The following ING2 variants were observed in gnomAD, a reference collection of about 807,000 sequenced individuals.
The protein encoded by ING2 is inhibitor of growth family member 2, also known as inhibitor of growth protein 2.
A neutral mutation model predicts 30.6 loss-of-function variants in ING2; 7 were observed. The observed-to-expected ratio is 0.23, with a 90% CI of 0.13 to 0.43. The LOEUF (loss-of-function observed/expected upper bound fraction) is 0.43, where lower values mean the gene tolerates loss of function less well. Among genes scored for constraint, ING2 ranks in the 20% least tolerant of loss-of-function variants. The probability of loss-of-function intolerance (pLI) is 1.00; values close to 1 mark genes in which losing one functional copy is unlikely to be tolerated. For synonymous variants in ING2, 136 were observed against 121.7 expected (o/e 1.12, Z -0.78); for missense variants, 239 against 334.9 (o/e 0.71, Z 2.24).
At position 183,510,257 on chromosome 4, in the gene ING2, C is replaced by T. The variant is rs117923427; in HGVS notation, c.173-25C>T. 2,854 of 1,470,624 alleles carry T rather than the reference C, an allele frequency of 1.9e-3. 79 individuals are homozygous for T. In the East Asian group the frequency reaches 0.058, roughly 30 times the overall value. The allele number at this position is 1,470,624 out of a possible 1,614,324, so 91.1% of individuals were successfully genotyped here. A position where few individuals can be genotyped will look rare whatever the true frequency, so the allele number is the denominator to read the frequency against. On this transcript the variant is annotated intron_variant, in intron 1 of 1. Transcript: ENST00000302327. The stretch of plus-strand genomic sequence containing the variant: ...GTGTCTGCTAACACATGATAACGTT[C>T]TCATTTTTCTTTTCCTTTTTTTAGA...
rs890876245 is a variant in ING2 at position 183,505,076 on chromosome 4, T to C, written c.-120T>C. 91 of 948,378 alleles carry C rather than the reference T, an allele frequency of 9.6e-5. No homozygotes were observed. The African/African-American group carries it at 1.0e-3, about 11-fold the overall frequency. 58.7% of individuals were successfully genotyped at this position (948,378 alleles called of 1,614,324 possible). ...GATCGGGGAGCGCGGCCGTGCCCTCTCGAGCGGCTGCGGGGTCCCCGCGGC... is the reference window on the plus strand; with the variant it reads ...GATCGGGGAGCGCGGCCGTGCCCTCCCGAGCGGCTGCGGGGTCCCCGCGGC... On this transcript the variant is annotated 5_prime_UTR_variant, in exon 1 of 2. Coordinates refer to ENST00000302327, the MANE Select transcript of ING2 (RefSeq NM_001564.4).
rs546715579 is a variant in ING2, at chr4:183,506,637, C to T, written c.172+1270C>T. On this transcript the variant is annotated intron_variant, in intron 1 of 1. Transcript: ENST00000302327. ...TTAAAGATAATTTCCTGGACCCATT[C>T]TCTGTTTTTGTAGACACGCCAGTAA... Among the ~76,000 whole-genome samples, 5 of 152,308 alleles carry T rather than the reference C, an allele frequency of 3.3e-5. No individual in the cohort carries two copies. In the South Asian group the frequency reaches 6.2e-4, roughly 19 times the overall value.
At position 183,510,620 on chromosome 4, in the gene ING2, G is replaced by C. The variant is rs770221403; in HGVS notation, c.511G>C (p.Glu171Gln). ...RDLCHMANGI[E>Q]DCDDQPPKEK... The stretch of plus-strand genomic sequence containing the variant: ...TTTATGTCACATGGCAAATGGGATT[G>C]AAGACTGTGATGATCAGCCACCTAA... Residue 171 changes from glutamate to glutamine, a missense_variant, in exon 2 of 2, where the codon GAA (glutamate) becomes CAA (glutamine). Glu to Gln is a conservative substitution (Grantham distance 29, BLOSUM62 2). Around this residue, in one of 5 missense-constraint regions of ING2, gnomAD observed 115 missense variants for 120.1 expected, o/e 0.96. Coordinates refer to ENST00000302327, the MANE Select transcript of ING2 (RefSeq NM_001564.4). The C allele has an allele frequency of 1.1e-5, 17 of 1,614,156 alleles. 1 individual carries two copies. In the South Asian group the frequency reaches 1.9e-4, roughly 18 times the overall value.
chr4:183,508,184 C>T (rs749268848), intron 1 of ING2, among the ~76,000 whole-genome samples: 4 of 151,798 alleles, frequency 2.6e-5, no homozygotes, highest in African/African-American at 4.8e-5. Flanking sequence ...AAATCTTTAC[C>T]ACATAGAAGG....
At position 183,510,220 on chromosome 4, in the gene ING2, C is replaced by G. The variant is rs1461097910; in HGVS notation, c.173-62C>G. 5 of 1,189,912 alleles carry G rather than the reference C, an allele frequency of 4.2e-6. No individual in the cohort carries two copies. The Admixed American group carries it at 1.2e-4, about 28-fold the overall frequency. The allele number at this position is 1,189,912 out of a possible 1,614,324, so 73.7% of individuals were successfully genotyped here. On this transcript the variant is annotated intron_variant, in intron 1 of 1. Coordinates refer to ENST00000302327, the MANE Select transcript of ING2 (RefSeq NM_001564.4). The stretch of plus-strand genomic sequence containing the variant: ...TTTCAATTCTGTAAAAAATAACTAC[C>G]TTGGAAATGTTGTGTCTGCTAACAC...
chr4:183,507,764 AAT>A lies in ING2; in HGVS notation c.172+2400_172+2401del, dbSNP rs1734711489. ...TTAAGTATTTTCTGGTTTTGGATCT[AAT>A]ATTTCTAGCAATATTTAGTGATATA... On this transcript the variant is annotated intron_variant, in intron 1 of 1. Coordinates refer to ENST00000302327, the MANE Select transcript of ING2 (RefSeq NM_001564.4). 3.3e-5 allele frequency among the ~76,000 whole-genome samples: 5 copies of A among 152,298 alleles called. No individual in the cohort carries two copies. In the South Asian group the frequency reaches 1.0e-3, roughly 32 times the overall value.
intron 1 of ING2, among the ~76,000 whole-genome samples, chr4:183,509,910 A>G (rs533008074): frequency 6.6e-6 from 1 of 150,388 alleles, no homozygotes; most frequent in Non-Finnish European, 1.5e-5. Flanking sequence ...TAATTTTTGC[A>G]TTTTTAGTAG....
At chr4:183,506,261 C>T (rs1203599599) in intron 1 of ING2, 2 of 1,304,180 alleles carry the variant, frequency 1.5e-6, no homozygotes, top group East Asian at 5.5e-5. Flanking sequence ...ACCTCTTTCC[C>T]AGTCAATGGA....
At chr4:183,507,056 G>C (rs1470741876) in intron 1 of ING2, among the ~76,000 whole-genome samples, 1 of 152,144 alleles carries the variant, frequency 6.6e-6, no homozygotes, top group Non-Finnish European at 1.5e-5. Context: ...ATTGTATATG[G>C]AACCTTTCTA....
chr4:183,505,663 G>GCGCTGGCCCGCCCCGTGC (rs1326652821), intron 1 of ING2, among the ~76,000 whole-genome samples: 2 of 152,136 alleles, frequency 1.3e-5, no homozygotes, highest in African/African-American at 4.8e-5. Context: ...ATTTGTTCAG[G>GCGCTGGCCCGCCCCGTGC]CGCTGGCCCG....
rs1377433659 is a variant in ING2 at position 183,511,669 on chromosome 4, G to A, written c.*717G>A. Among the ~76,000 whole-genome samples the A allele has an allele frequency of 6.6e-6, 1 of 152,124 alleles. No individual in the cohort carries two copies. Among genetic ancestry groups the A allele is most frequent in the Non-Finnish European group, 1.5e-5 (1 of 68,020 alleles). ...TAATTGGGACAGGTAAGAGTAGTTA[G>A]CATACCAAAAATATACATTGGCTTA... is the stretch of plus-strand genomic sequence containing the variant. On this transcript the variant is annotated 3_prime_UTR_variant, in exon 2 of 2. Transcript: ENST00000302327.
At chr4:183,509,606 C>T (rs1370577690) in intron 1 of ING2, among the ~76,000 whole-genome samples, 5 of 151,934 alleles carry the variant, frequency 3.3e-5, no homozygotes, top group Non-Finnish European at 7.4e-5. Flanking sequence ...CCACTGCGCC[C>T]GGCTAATTTT....
chr4:183,505,179 CG>C lies in ING2; in HGVS notation c.-15del, dbSNP rs1734603537. ...CTGCTGGATGCGGAGGCGGCGGCGA[CG>C]GCGCGGATCGGCAGGATGTTAGGGC... On this transcript the variant is annotated 5_prime_UTR_variant, in exon 1 of 2. Coordinates refer to ENST00000302327, the MANE Select transcript of ING2 (RefSeq NM_001564.4). 6.3e-7 allele frequency: 1 copy of C among 1,588,726 alleles called. No homozygotes were observed. The highest frequency in any genetic ancestry group is 1.1e-5 in the South Asian group (1 of 88,858).
chr4:183,506,278 C>T, intron 1 of ING2: 2 of 1,304,270 alleles, frequency 1.5e-6, no homozygotes, highest in South Asian at 2.5e-5. Context: ...TGGATCAGGA[C>T]GGCGATCAGC....
At chr4:183,505,519 C>G (rs1734614409) in intron 1 of ING2, 152 bp downstream of exon 1, 2 of 739,926 alleles carry the variant, frequency 2.7e-6, no homozygotes, top group South Asian at 2.1e-5. Flanking sequence ...GTTGGCGGCC[C>G]TCCGTGGCCC....
chr4:183,505,220 C>G lies in ING2; in HGVS notation c.25C>G (p.Leu9Val). The stretch of plus-strand genomic sequence containing the variant: ...GATGTTAGGGCAGCAGCAGCAGCAA[C>G]TGTACTCGTCGGCCGCGCTCCTGAC... MLGQQQQQ[L>V]YSSAALLTGE... Residue 9 changes from leucine to valine, a missense_variant, in exon 1 of 2, where the codon CTG becomes GTG. This residue lies in a region of ING2 where 80 missense variants were observed against 102.4 expected (regional missense o/e 0.78). Transcript: ENST00000302327. 2 of 1,601,944 alleles carry G rather than the reference C, an allele frequency of 1.2e-6. No homozygotes were observed. Among genetic ancestry groups the G allele is most frequent in the South Asian group, 2.2e-5 (2 of 89,596 alleles).
chr4:183,509,855 C>T (rs1038408756), intron 1 of ING2, among the ~76,000 whole-genome samples: 1 of 151,712 alleles, frequency 6.6e-6, no homozygotes, highest in Non-Finnish European at 1.5e-5. Context: ...GCCTCAGCCT[C>T]CCAAGTAGCT....
At position 183,510,972 on chromosome 4, in the gene ING2, A is replaced by T. The variant is rs769864765; in HGVS notation, c.*20A>T. The T allele has an allele frequency of 7.1e-6, 11 of 1,543,064 alleles. No homozygotes were observed. The African/African-American group carries it at 1.5e-4, about 21-fold the overall frequency. Reference sequence around the variant, plus strand: ...AGGTAGTAAAGGCCATCCACATTTTAAAGGGTTATTTGTCTTTTATATAAT... The same window carrying T: ...AGGTAGTAAAGGCCATCCACATTTTTAAGGGTTATTTGTCTTTTATATAAT... On this transcript the variant is annotated 3_prime_UTR_variant, in exon 2 of 2. Transcript: ENST00000302327.
At position 183,510,808 on chromosome 4, in the gene ING2, T is replaced by C; in HGVS notation, c.699T>C (p.Cys233=). The C allele has an allele frequency of 6.2e-7, 1 of 1,614,200 alleles. No individual in the cohort carries two copies. Among genetic ancestry groups the C allele is most frequent in the Non-Finnish European group, 8.5e-7 (1 of 1,180,038 alleles). ...GEMIGCDNEQ[C]PIEWFHFSCV... is the part of the protein sequence containing the mutation. ...TGATAGGATGTGACAATGAACAGTGTCCAATTGAATGGTTTCACTTTTCAT... is the reference window on the plus strand; with the variant it reads ...TGATAGGATGTGACAATGAACAGTGCCCAATTGAATGGTTTCACTTTTCAT... The change falls in exon 2 of 2, where the codon TGT becomes TGC. Residue 233 remains cysteine (C), a synonymous_variant. Transcript: ENST00000302327.
Sources: gnomAD v4.1 joint callset for allele counts (sites outside exome capture counted in the v4.1 genomes callset) on GRCh38, gnomAD v4.1.1 for gene constraint, gnomAD v4.1.1 regional missense constraint, MANE v1.5 for transcripts, NCBI Gene and HGNC (gene_info 2026-07-23, HGNC 2026-07-21) for gene names.